The following DLG2 variants were observed in gnomAD, a reference collection of about 807,000 sequenced individuals.
DLG2 encodes the protein discs large MAGUK scaffold protein 2.
Under a neutral mutation model 132.5 loss-of-function variants are expected in DLG2, and 45 were observed. The ratio of observed to expected loss-of-function variants is 0.34; its 90% confidence interval spans 0.27 to 0.44. The LOEUF is 0.44. Among genes scored for constraint, DLG2 ranks in the 20% least tolerant of loss-of-function variants. The probability of loss-of-function intolerance (pLI) is 1.00; values close to 1 mark genes in which losing one functional copy is unlikely to be tolerated. For missense variants in DLG2, 1,045 were observed against 1,196.9 expected, an observed-to-expected ratio of 0.87 and a Z score of 1.87; for synonymous variants, 424 against 419.6, an observed-to-expected ratio of 1.01 and a Z score of -0.13.
rs977199258 is a variant in DLG2 at position 83,965,374 on chromosome 11, G to T, written c.1151C>A (p.Pro384His). The stretch of plus-strand genomic sequence containing the variant: ...AGGATCAGTCATATAAATGGTAGTG[G>T]GTTTGCCAACTTTTAAATAAACTAC... Reference protein sequence around the residue: ...SEVVYLKVGKPTTIYMTDPYG... With the variant: ...SEVVYLKVGKHTTIYMTDPYG... Residue 384 changes from proline (P) to histidine (H), a missense_variant, in exon 13 of 28, where the codon CCC (proline) becomes CAC (histidine). By Grantham distance (77) the Pro-to-His change is moderately conservative (BLOSUM62 -2). Transcript: ENST00000376104. The T allele has an allele frequency of 1.2e-6, 2 of 1,611,928 alleles. No homozygotes were observed. Among genetic ancestry groups the T allele is most frequent in the African/African-American group, 2.7e-5 (2 of 74,712 alleles).
chr11:85,191,971 G>A (rs752054612), intron 4 of DLG2, among the ~76,000 whole-genome samples: 1 of 152,036 alleles, frequency 6.6e-6, no homozygotes, highest in Non-Finnish European at 1.5e-5. Flanking sequence ...AATACCCTAT[G>A]AAAAATGTAT....
intron 7 of DLG2, among the ~76,000 whole-genome samples, chr11:84,317,802 A>C: frequency 6.6e-6 from 1 of 152,232 alleles, no homozygotes; most frequent in East Asian, 1.9e-4. Flanking sequence ...AAGAACATAA[A>C]TTCATTTGGA....
At chr11:84,948,606 G>GT (rs2050522948) in intron 6 of DLG2, among the ~76,000 whole-genome samples, 1 of 152,212 alleles carries the variant, frequency 6.6e-6, no homozygotes, top group South Asian at 2.1e-4. Flanking sequence ...TTATCATACA[G>GT]TAATATAGAT....
chr11:84,760,871 C>A (rs2067529921), intron 6 of DLG2, among the ~76,000 whole-genome samples: 1 of 152,126 alleles, frequency 6.6e-6, no homozygotes, highest in African/African-American at 2.4e-5. Flanking sequence ...CTACGTGGCC[C>A]AACTCCAGGG....
intron 11 of DLG2, among the ~76,000 whole-genome samples, chr11:84,039,768 A>G: frequency 8.7e-6 from 1 of 115,036 alleles, no homozygotes; most frequent in Non-Finnish European, 2.0e-5. Flanking sequence ...TGGTATTTCT[A>G]GTTCTAGATC....
At chr11:84,866,637 C>T (rs78533380) in intron 6 of DLG2, among the ~76,000 whole-genome samples, 6,199 of 152,200 alleles carry the variant, frequency 0.041, 189 homozygotes, top group African/African-American at 0.078. Context: ...TGAATGAAAT[C>T]CATTTCTTGC....
intron 6 of DLG2, among the ~76,000 whole-genome samples, chr11:84,660,780 A>G (rs2099693680): frequency 6.6e-6 from 1 of 152,194 alleles, no homozygotes; most frequent in African/African-American, 2.4e-5. Context: ...TAGGAAGTAC[A>G]CTGCAAATGC....
At chr11:84,363,468 C>A (rs1229232787) in intron 7 of DLG2, among the ~76,000 whole-genome samples, 1 of 152,084 alleles carries the variant, frequency 6.6e-6, no homozygotes, top group Non-Finnish European at 1.5e-5. Flanking sequence ...GTTTCCTGTT[C>A]ACTCTGATGG....
chr11:84,630,461 T>G (rs1434453127), intron 6 of DLG2, among the ~76,000 whole-genome samples: 1 of 152,170 alleles, frequency 6.6e-6, no homozygotes, highest in Non-Finnish European at 1.5e-5. Flanking sequence ...TTTCTCAACA[T>G]TTTTAAACAT....
At chr11:84,794,377 C>T (rs762665879) in intron 6 of DLG2, among the ~76,000 whole-genome samples, 15 of 152,314 alleles carry the variant, frequency 9.8e-5, no homozygotes, top group Non-Finnish European at 1.6e-4. Context: ...AGGGGAGGTA[C>T]AGCTGGGGCT....
At chr11:84,996,686 T>C (rs183618456) in intron 6 of DLG2, among the ~76,000 whole-genome samples, 1 of 152,226 alleles carries the variant, frequency 6.6e-6, no homozygotes, top group East Asian at 1.9e-4. Flanking sequence ...GCAAAATACA[T>C]TAAATGGCAC....
At chr11:85,389,561 G>A (rs184182466) in intron 3 of DLG2, among the ~76,000 whole-genome samples, 1 of 152,238 alleles carries the variant, frequency 6.6e-6, no homozygotes, top group South Asian at 2.1e-4. Context: ...CAGTCATCAG[G>A]TTATCTAAAG....
intron 7 of DLG2, among the ~76,000 whole-genome samples, chr11:84,352,432 G>C (rs1036846749): frequency 3.9e-5 from 6 of 152,284 alleles, no homozygotes; most frequent in Middle Eastern, 3.4e-3. Context: ...AGAATAAAAT[G>C]CATAGTGAAA....
At chr11:84,128,839 C>T (rs1030069975) in intron 9 of DLG2, among the ~76,000 whole-genome samples, 2 of 152,120 alleles carry the variant, frequency 1.3e-5, no homozygotes, top group East Asian at 1.9e-4. Context: ...GTTGAAAAAA[C>T]GTGTATGGTT....
At chr11:85,039,780 A>C (rs1007517286) in intron 6 of DLG2, among the ~76,000 whole-genome samples, 3 of 151,926 alleles carry the variant, frequency 2.0e-5, no homozygotes, top group African/African-American at 7.2e-5. Flanking sequence ...AAGCCCCTTG[A>C]TGGTATATAT....
intron 19 of DLG2, among the ~76,000 whole-genome samples, chr11:83,612,339 A>G (rs2153413349): frequency 6.6e-6 from 1 of 152,340 alleles, no homozygotes; most frequent in Middle Eastern, 3.4e-3. Context: ...ATAATGTTTT[A>G]TCTCTCACCG....
intron 6 of DLG2, among the ~76,000 whole-genome samples, chr11:84,792,630 T>G (rs990882550): frequency 1.2e-4 from 18 of 152,096 alleles, no homozygotes; most frequent in African/African-American, 4.3e-4. Context: ...GTTTTGGATT[T>G]CTTAATAGTT....
intron 5 of DLG2, among the ~76,000 whole-genome samples, chr11:85,124,853 C>G (rs1398221624): frequency 7.1e-6 from 1 of 141,048 alleles, no homozygotes; most frequent in Non-Finnish European, 1.5e-5. Context: ...TTTTTTGAGA[C>G]GGAGTCTCGC....
chr11:83,687,958 T>A lies in DLG2; in HGVS notation c.1826-54633A>T, dbSNP rs540760842. On this transcript the variant is annotated intron_variant, in intron 18 of 27. Transcript: ENST00000376104. ...GCCACACTGACACTACAGTGAGGTATGGTCACGTCACTGCACTTGTGTTGC... is the reference window on the plus strand; with the variant it reads ...GCCACACTGACACTACAGTGAGGTAAGGTCACGTCACTGCACTTGTGTTGC... 4.6e-5 allele frequency among the ~76,000 whole-genome samples: 7 copies of A among 151,238 alleles called. No individual in the cohort carries two copies. The South Asian group carries it at 1.3e-3, about 27-fold the overall frequency.
Sources: allele counts gnomAD v4.1 joint callset (sites outside exome capture counted in the v4.1 genomes callset), GRCh38; gene constraint gnomAD v4.1.1; transcripts MANE v1.5; gene names NCBI Gene and HGNC (gene_info 2026-07-23, HGNC 2026-07-21).